The following CCDC30 variants were observed in gnomAD, a reference collection of about 807,000 sequenced individuals.
CCDC30 encodes the protein coiled-coil domain containing 30.
CCDC30 carries 70 observed loss-of-function variants against 100.2 expected under a neutral mutation model. That is an observed-to-expected ratio of 0.70 (90% CI 0.58 to 0.85). The LOEUF (loss-of-function observed/expected upper bound fraction) is 0.85. CCDC30 is among the 40% of genes least tolerant of loss of function. The pLI is 0.00. For synonymous variants in CCDC30, 233 were observed against 269.5 expected, an observed-to-expected ratio of 0.86 and a Z score of 1.33; for missense variants, 652 against 771.2, an observed-to-expected ratio of 0.85 and a Z score of 1.83.
intron 6 of CCDC30, among the ~76,000 whole-genome samples, chr1:42,502,009 G>C (rs1038463313): frequency 6.6e-6 from 1 of 152,252 alleles, no homozygotes; most frequent in Non-Finnish European, 1.5e-5. Context: ...TAAGTCTGCA[G>C]AAGTTTCTGC....
chr1:42,654,401 C>T (rs755975531), downstream of CCDC30: 13 of 194,188 alleles, frequency 6.7e-5, no homozygotes, highest in Non-Finnish European at 1.2e-4. Flanking sequence ...TAAAAAAACC[C>T]TCCTATGCTG....
chr1:42,489,256 T>A (rs1466380641), intron 3 of CCDC30, among the ~76,000 whole-genome samples: 1 of 152,242 alleles, frequency 6.6e-6, no homozygotes, highest in Non-Finnish European at 1.5e-5. Context: ...TTAACTTTTC[T>A]GAGTCTTGTT....
At chr1:42,610,559 G>A (rs1173351712) in intron 10 of CCDC30, among the ~76,000 whole-genome samples, 2 of 152,024 alleles carry the variant, frequency 1.3e-5, no homozygotes, top group African/African-American at 4.8e-5. Context: ...ATGTAGCTGG[G>A]ACTATAGGCA....
intron 4 of CCDC30, chr1:42,491,899 G>C (rs1430279098): frequency 2.1e-6 from 1 of 485,996 alleles, no homozygotes; most frequent in Non-Finnish European, 3.7e-6. Context: ...AGGACTCGAG[G>C]AACCAAAATT....
intron 6 of CCDC30, among the ~76,000 whole-genome samples, chr1:42,522,780 T>C (rs1644667752): frequency 6.6e-6 from 1 of 152,252 alleles, no homozygotes; most frequent in Non-Finnish European, 1.5e-5. Context: ...GTTACAATAA[T>C]ACTAGCTTTT....
chr1:42,483,052 G>T, intron 3 of CCDC30: 1 of 316,516 alleles, frequency 3.2e-6, no homozygotes. Context: ...GAAATTCCCA[G>T]CCTCTCAGAA....
At chr1:42,542,212 A>G (rs533567842) in intron 6 of CCDC30, among the ~76,000 whole-genome samples, 1 of 152,322 alleles carries the variant, frequency 6.6e-6, no homozygotes, top group South Asian at 2.1e-4. Context: ...TTTCTTTGTT[A>G]TAAAGAATAA....
chr1:42,602,644 C>T (rs978926381), intron 10 of CCDC30, among the ~76,000 whole-genome samples: 2 of 152,060 alleles, frequency 1.3e-5, no homozygotes, highest in African/African-American at 4.8e-5. Flanking sequence ...AAATTGAATC[C>T]ACATACTAAC....
chr1:42,488,847 A>C (rs1644092319), intron 3 of CCDC30, among the ~76,000 whole-genome samples: 1 of 152,220 alleles, frequency 6.6e-6, no homozygotes, highest in Non-Finnish European at 1.5e-5. Context: ...TGGTTCACAT[A>C]ATAAATTCTG....
the CCDC30 span, chr1:42,456,639 G>T: frequency 6.5e-7 from 1 of 1,542,122 alleles, no homozygotes. Flanking sequence ...GTTATGGCTC[G>T]CTTCGCGGCC....
At chr1:42,459,458 C>T (rs1245471586), upstream of CCDC30, 1 of 760,450 alleles carries the variant, frequency 1.3e-6, no homozygotes, top group Non-Finnish European at 2.1e-6. Context: ...CTGTGTTCCC[C>T]TAAGACTTTT....
intron 10 of CCDC30, among the ~76,000 whole-genome samples, chr1:42,607,224 G>T (rs1000327329): frequency 6.6e-6 from 1 of 152,102 alleles, no homozygotes; most frequent in Non-Finnish European, 1.5e-5. Flanking sequence ...TTGTACTCTG[G>T]CCTGGGCAAC....
At chr1:42,492,892 G>A (rs1048478131) in intron 4 of CCDC30, among the ~76,000 whole-genome samples, 3 of 152,138 alleles carry the variant, frequency 2.0e-5, no homozygotes, top group South Asian at 2.1e-4. Context: ...TGATCCACCC[G>A]CCTCAGCCTC....
chr1:42,459,632 T>G (rs564228914), upstream of CCDC30: 6 of 1,613,978 alleles, frequency 3.7e-6, no homozygotes, highest in East Asian at 1.1e-4. Flanking sequence ...CAAAACTGCT[T>G]TCTCCTTTGG....
At chr1:42,579,858 A>G (rs576032582) in intron 8 of CCDC30, among the ~76,000 whole-genome samples, 1 of 151,846 alleles carries the variant, frequency 6.6e-6, no homozygotes, top group South Asian at 2.1e-4. Context: ...AGCTGGGCAT[A>G]GTAGCACATG....
At chr1:42,497,177 A>G in exon 5 of CCDC30, 1 of 1,234,282 alleles carries the variant, frequency 8.1e-7, no homozygotes, top group Admixed American at 4.2e-5. Flanking sequence ...ATAGGGTTCG[A>G]TCACTTGACT....
intron 10 of CCDC30, among the ~76,000 whole-genome samples, chr1:42,598,556 C>T (rs1403287976): frequency 6.6e-6 from 1 of 151,700 alleles, no homozygotes; most frequent in Admixed American, 6.6e-5. Context: ...TTACAAAAGG[C>T]AGAAAAAGCA....
downstream of CCDC30, among the ~76,000 whole-genome samples, chr1:42,657,108 T>G (rs1648690809): frequency 6.6e-6 from 1 of 152,224 alleles, no homozygotes; most frequent in Non-Finnish European, 1.5e-5. Context: ...AATCCTTGCT[T>G]TCTCAGACAA....
chr1:42,554,171 A>G (rs1645317957), intron 6 of CCDC30, among the ~76,000 whole-genome samples: 1 of 151,962 alleles, frequency 6.6e-6, no homozygotes, highest in African/African-American at 2.4e-5. Context: ...TCTATTTAGT[A>G]TGAGCATTAT....
Sources: allele counts gnomAD v4.1 joint callset (sites outside exome capture counted in the v4.1 genomes callset), GRCh38; gene constraint gnomAD v4.1.1; transcripts MANE v1.5; gene names NCBI Gene and HGNC (gene_info 2026-07-23, HGNC 2026-07-21).